Variants in ADCY3 observed in about 807,000 individuals in gnomAD.
The protein encoded by ADCY3 is adenylate cyclase type 3.
ADCY3 carries 70 observed loss-of-function variants against 119.4 expected under a neutral mutation model. The ratio of observed to expected loss-of-function variants is 0.59; its 90% CI spans 0.48 to 0.72. The LOEUF is 0.72. Among genes scored for constraint, ADCY3 ranks in the 30% least tolerant of loss-of-function variants. The pLI, the probability that ADCY3 is intolerant of heterozygous loss-of-function variation, is 0.00. For missense variants in ADCY3, 1,238 were observed against 1,541.6 expected, an observed-to-expected ratio of 0.80 and a Z score of 3.30; for synonymous variants, 672 against 621.4, an observed-to-expected ratio of 1.08 and a Z score of -1.21.
intron 2 of ADCY3, among the ~76,000 whole-genome samples, chr2:24,910,792 G>A (rs1020667868): frequency 1.3e-5 from 2 of 151,690 alleles, no homozygotes; most frequent in East Asian, 1.9e-4. Context: ...GACTACAGGC[G>A]TGCATCACCA....
rs535418070 is a variant in ADCY3, at chr2:24,876,428, T to C, written c.676-3709A>G. 3.3e-5 allele frequency among the ~76,000 whole-genome samples: 5 copies of C among 152,340 alleles called. No individual in the cohort carries two copies. In the South Asian group the frequency reaches 1.0e-3, roughly 32 times the overall value. On this transcript the variant is annotated intron_variant, in intron 2 of 21. Transcript: ENST00000679454. ...CCTCCATACACAGTGGTGGCCATTA[T>C]CATTTCCACAGCTTCCATACACAGT...
intron 2 of ADCY3, among the ~76,000 whole-genome samples, chr2:24,916,638 C>T (rs377093906): frequency 2.6e-5 from 4 of 151,890 alleles, no homozygotes; most frequent in East Asian, 1.9e-4. Context: ...GCTGAGATCG[C>T]GCCATTGCAC....
At position 24,834,454 on chromosome 2, in the gene ADCY3, A is replaced by G; in HGVS notation, c.1967+31T>C. Reference sequence around the variant, plus strand: ...CGCCCGGCACCACCGCAGCCGAGGAAACTCGTGGCCCTCCCCGGCCCCTCC... The same window carrying G: ...CGCCCGGCACCACCGCAGCCGAGGAGACTCGTGGCCCTCCCCGGCCCCTCC... On this transcript the variant is annotated intron_variant, in intron 11 of 21. Coordinates refer to ENST00000679454, the MANE Select transcript of ADCY3 (RefSeq NM_004036.5). This position sits in a 1 kb window ranked among gnomAD's most constrained non-coding sequence, Gnocchi z 4.2. The G allele has an allele frequency of 7.8e-7, 1 of 1,284,128 alleles. No homozygotes were observed. The highest frequency in any genetic ancestry group is 1.0e-6 in the Non-Finnish European group (1 of 956,368). 79.5% of individuals were successfully genotyped at this position (1,284,128 alleles called of 1,614,324 possible).
At chr2:24,875,271 C>A (rs796895773) in intron 2 of ADCY3, among the ~76,000 whole-genome samples, 11 of 152,344 alleles carry the variant, frequency 7.2e-5, no homozygotes, top group African/African-American at 2.6e-4. Context: ...GGCGCTGCCC[C>A]CTGTTCCATC....
chr2:24,825,783 C>G, intron 16 of ADCY3: 2 of 516,344 alleles, frequency 3.9e-6, no homozygotes, highest in Non-Finnish European at 6.9e-6. Context: ...TGTGCCTTCA[C>G]TCTATCCCCT....
In ADCY3 at chr2:24,846,277, C is replaced by T. The variant is rs538210799; in HGVS notation, c.826-3893G>A. Reference sequence around the variant, plus strand: ...CATGCACCTGGAAAAGCTGCAGACCCTCAAAGCCAGCCTATGAAAGCAGCT... The same window carrying T: ...CATGCACCTGGAAAAGCTGCAGACCTTCAAAGCCAGCCTATGAAAGCAGCT... On this transcript the variant is annotated intron_variant, in intron 3 of 21. Transcript: ENST00000679454. Among the ~76,000 whole-genome samples the T allele has an allele frequency of 7.2e-5, 11 of 152,310 alleles. No homozygotes were observed. The East Asian group carries it at 2.1e-3, about 29-fold the overall frequency.
At chr2:24,844,704 T>C (rs1225514207) in intron 3 of ADCY3, among the ~76,000 whole-genome samples, 1 of 152,198 alleles carries the variant, frequency 6.6e-6, no homozygotes, top group East Asian at 1.9e-4. Flanking sequence ...CTGCACTCTG[T>C]GGCTTCATGG....
intron 13 of ADCY3, 121 bp from the exon 14 acceptor site, chr2:24,828,282 C>A: frequency 8.1e-7 from 1 of 1,238,222 alleles, no homozygotes; most frequent in Non-Finnish European, 1.1e-6. Flanking sequence ...CCAGAAATAC[C>A]GGGAAAGATG....
In ADCY3 at chr2:24,830,679, G is replaced by T. The variant is rs113458251; in HGVS notation, c.2172+30C>A. 3.2e-6 allele frequency: 5 copies of T among 1,566,152 alleles called. No individual in the cohort carries two copies. In the African/African-American group the frequency reaches 4.1e-5, roughly 13 times the overall value. On this transcript the variant is annotated intron_variant, in intron 13 of 21. Coordinates refer to ENST00000679454, the MANE Select transcript of ADCY3 (RefSeq NM_004036.5). ...GCCCTTCTCCACTGAGAACAGGGGC[G>T]TCCCTTCAACAAGGACAGCAGGAGC...
chr2:24,908,733 T>A (rs943906298), intron 2 of ADCY3, among the ~76,000 whole-genome samples: 3 of 152,146 alleles, frequency 2.0e-5, no homozygotes, highest in South Asian at 2.1e-4. Flanking sequence ...TTGGCTAGGC[T>A]TAAGTCTCCC....
At chr2:24,876,898 T>A (rs73923457) in intron 2 of ADCY3, among the ~76,000 whole-genome samples, 1 of 152,196 alleles carries the variant, frequency 6.6e-6, no homozygotes, top group Non-Finnish European at 1.5e-5. Flanking sequence ...TTTTCCGGTG[T>A]TCCCACTCCA....
chr2:24,895,091 T>A (rs1345985838), intron 2 of ADCY3, among the ~76,000 whole-genome samples: 4 of 152,140 alleles, frequency 2.6e-5, no homozygotes, highest in Admixed American at 2.0e-4. Flanking sequence ...TTATCTTCAT[T>A]TTTCTTTTTC....
intron 3 of ADCY3, among the ~76,000 whole-genome samples, chr2:24,853,147 AAACCTGT>A (rs1672584466): frequency 6.6e-6 from 1 of 152,020 alleles, no homozygotes; most frequent in South Asian, 2.1e-4. Flanking sequence ...CTAGGAGGCA[AAACCTGT>A]AACCGAGGAC....
intron 3 of ADCY3, among the ~76,000 whole-genome samples, chr2:24,845,771 C>T (rs960774124): frequency 2.6e-5 from 4 of 152,212 alleles, no homozygotes; most frequent in Admixed American, 6.5e-5. Context: ...GAGACCTTTG[C>T]GGCAGCCCCT....
At chr2:24,914,956 C>T (rs1163241036) in intron 2 of ADCY3, among the ~76,000 whole-genome samples, 1 of 152,176 alleles carries the variant, frequency 6.6e-6, no homozygotes, top group Non-Finnish European at 1.5e-5. Context: ...AGAACCCCAC[C>T]CACTGGCCTC....
chr2:24,860,525 C>T (rs1673503125), intron 3 of ADCY3, among the ~76,000 whole-genome samples: 1 of 152,100 alleles, frequency 6.6e-6, no homozygotes, highest in South Asian at 2.1e-4. Flanking sequence ...AGGGCAGGCT[C>T]CACTACCTCC....
intron 2 of ADCY3, among the ~76,000 whole-genome samples, chr2:24,893,162 T>C (rs1573009634): frequency 6.6e-6 from 1 of 151,374 alleles, no homozygotes. Context: ...GCCTCCAAGG[T>C]AGCTAAGACT....
chr2:24,902,797 C>T lies in ADCY3; in HGVS notation c.675+15516G>A, dbSNP rs1160403596. The stretch of plus-strand genomic sequence containing the variant: ...GTAATCCCAGCACTTTGGGAGGCCG[C>T]GGTGGGTGGATCACCTGAGGGCAGG... On this transcript the variant is annotated intron_variant, in intron 2 of 21. Transcript: ENST00000679454. Among the ~76,000 whole-genome samples the T allele has an allele frequency of 2.0e-5, 3 of 152,046 alleles. No individual in the cohort carries two copies. In the South Asian group the frequency reaches 6.2e-4, roughly 32 times the overall value.
At chr2:24,852,685 C>G (rs1297900328) in intron 3 of ADCY3, among the ~76,000 whole-genome samples, 1 of 152,264 alleles carries the variant, frequency 6.6e-6, no homozygotes, top group Admixed American at 6.5e-5. Context: ...ACACCCCCAG[C>G]AGACGCCTGC....
Sources: allele counts gnomAD v4.1 joint callset (sites outside exome capture counted in the v4.1 genomes callset), GRCh38; gene constraint gnomAD v4.1.1; non-coding constraint Gnocchi (gnomAD v3.1); transcripts MANE v1.5; gene names NCBI Gene and HGNC (gene_info 2026-07-23, HGNC 2026-07-21).